EML5: variants seen among roughly 807,000 people sequenced by gnomAD.
The protein encoded by EML5 is EMAP like 5.
Under a neutral mutation model 250.0 loss-of-function variants are expected in EML5, and 120 were observed. That is an observed-to-expected ratio of 0.48 (90% CI 0.41 to 0.56). The LOEUF is 0.56. Ranked by LOEUF, EML5 falls within the 20% of genes least tolerant of loss-of-function variation. EML5 has a pLI of 0.00. For missense variants in EML5, 2,006 were observed against 2,437.6 expected (o/e 0.82, Z 3.73); for synonymous variants, 771 against 806.5 (o/e 0.96, Z 0.75).
intron 3 of EML5, among the ~76,000 whole-genome samples, chr14:88,744,709 G>A (rs2093979271): frequency 6.6e-6 from 1 of 151,892 alleles, no homozygotes; most frequent in Admixed American, 6.6e-5. Context: ...AATGAGAAAT[G>A]TAATTAAACA....
intron 28 of EML5, among the ~76,000 whole-genome samples, chr14:88,647,235 G>A (rs531624147): frequency 5.5e-4 from 84 of 151,914 alleles, no homozygotes; most frequent in African/African-American, 1.9e-3. Context: ...ATGGTGGCAC[G>A]CACCTGTAAT....
chr14:88,678,285 G>C (rs1244283230), intron 21 of EML5, among the ~76,000 whole-genome samples: 4 of 152,068 alleles, frequency 2.6e-5, no homozygotes, highest in Non-Finnish European at 4.4e-5. Context: ...GGGGCCTCTT[G>C]GGGGACAGGG....
chr14:88,702,307 T>C (rs2093230037), intron 14 of EML5, 139 bp downstream of exon 14: 1 of 602,380 alleles, frequency 1.7e-6, no homozygotes, highest in Admixed American at 4.3e-5. Flanking sequence ...AAATTTTATT[T>C]ATAATCTGAA....
chr14:88,777,979 A>T (rs529910355), intron 1 of EML5, among the ~76,000 whole-genome samples: 1 of 152,328 alleles, frequency 6.6e-6, no homozygotes, highest in Non-Finnish European at 1.5e-5. Context: ...TGTCTCAAAA[A>T]ATACAGCAAA....
At chr14:88,624,662 A>G in intron 36 of EML5, 2 of 245,806 alleles carry the variant, frequency 8.1e-6, no homozygotes, top group Non-Finnish European at 1.5e-5. Flanking sequence ...AGATTCCCCC[A>G]TGGGCCTCCT....
intron 27 of EML5, 57 bp from the exon 28 acceptor site, chr14:88,649,983 T>A: frequency 7.9e-7 from 1 of 1,263,286 alleles, no homozygotes; most frequent in South Asian, 1.8e-5. Context: ...TGATGATGAA[T>A]AGAATACAGC....
chr14:88,620,699 A>C lies in EML5; in HGVS notation c.5375+55T>G. On this transcript the variant is annotated intron_variant, in intron 39 of 43. Coordinates refer to ENST00000554922, the MANE Select transcript of EML5 (RefSeq NM_183387.3). The surrounding 1 kb of genome is among the most constrained non-coding windows in gnomAD (Gnocchi z 4.3). Reference sequence around the variant, plus strand: ...AAGGCAAGGCTATGGAAAATTTTACAAATGGAAGTTAAATCAAGTATATAC... The same window carrying C: ...AAGGCAAGGCTATGGAAAATTTTACCAATGGAAGTTAAATCAAGTATATAC... 7.2e-7 allele frequency: 1 copy of C among 1,390,152 alleles called. No homozygotes were observed. The highest frequency in any genetic ancestry group is 9.4e-7 in the Non-Finnish European group (1 of 1,067,350). 86.1% of individuals were successfully genotyped at this position (1,390,152 alleles called of 1,614,324 possible).
Position 88,620,446 on chromosome 14 carries a change from G to C in EML5, c.5375+308C>G, listed in dbSNP as rs2140299911. 4.4e-6 allele frequency: 1 copy of C among 227,396 alleles called. No homozygotes were observed. Among genetic ancestry groups the C allele is most frequent in the East Asian group, 9.1e-5 (1 of 10,980 alleles). The allele number at this position is 227,396 out of a possible 1,614,324, so 14.1% of individuals were successfully genotyped here. ...GGTGACAACTTTTGAAGGGCAGATA[G>C]CTCTCTTGTATTACAGTGGGAGATA... On this transcript the variant is annotated intron_variant, in intron 39 of 43. Transcript: ENST00000554922. This position sits in a 1 kb window ranked among gnomAD's most constrained non-coding sequence, Gnocchi z 4.3.
chr14:88,670,835 T>C (rs961465222), intron 21 of EML5, among the ~76,000 whole-genome samples: 3 of 151,864 alleles, frequency 2.0e-5, no homozygotes, highest in Non-Finnish European at 4.4e-5. Context: ...GAAGACTATC[T>C]TGCTGAAATA....
chr14:88,769,343 C>A (rs527879809), intron 1 of EML5, among the ~76,000 whole-genome samples: 1 of 152,126 alleles, frequency 6.6e-6, no homozygotes, highest in Non-Finnish European at 1.5e-5. Context: ...ATGTGAAGTG[C>A]CTTGCCTCCC....
chr14:88,688,875 C>T lies in EML5; in HGVS notation c.2540-402G>A, dbSNP rs369672819. Among the ~76,000 whole-genome samples, 20 of 152,300 alleles carry T rather than the reference C, an allele frequency of 1.3e-4. No individual in the cohort carries two copies. In the South Asian group the frequency reaches 2.1e-3, roughly 16 times the overall value. On this transcript the variant is annotated intron_variant, in intron 17 of 43. Transcript: ENST00000554922. ...ATGCCAACCTCATCTCCCTTCTTCA[C>T]GCTTTAGTATTGTGAATGTGATACT...
chr14:88,657,261 T>A, intron 27 of EML5, 115 bp downstream of exon 27: 1 of 1,050,352 alleles, frequency 9.5e-7, no homozygotes, highest in Non-Finnish European at 1.4e-6. Flanking sequence ...CTGTGAATTG[T>A]CTATAGCAAG....
At chr14:88,692,806 A>G (rs1321959564) in intron 17 of EML5, among the ~76,000 whole-genome samples, 1 of 152,238 alleles carries the variant, frequency 6.6e-6, no homozygotes, top group Non-Finnish European at 1.5e-5. Flanking sequence ...AGTTTTTGAT[A>G]AAGTGTTAAA....
At chr14:88,784,957 G>A (rs1472410608) in intron 1 of EML5, among the ~76,000 whole-genome samples, 1 of 152,168 alleles carries the variant, frequency 6.6e-6, no homozygotes. Flanking sequence ...TCTATCAACA[G>A]ATGAATGGAT....
chr14:88,665,273 A>G (rs2092272974), intron 22 of EML5, 64 bp downstream of exon 22: 1 of 1,474,710 alleles, frequency 6.8e-7, no homozygotes, highest in Admixed American at 2.5e-5. Context: ...AAAATTATAC[A>G]TTGATACATT....
intron 41 of EML5, 75 bp downstream of exon 41, chr14:88,618,153 C>G: frequency 1.6e-6 from 2 of 1,278,926 alleles, no homozygotes; most frequent in Non-Finnish European, 2.2e-6. Flanking sequence ...TGGAATGGCT[C>G]TAACAGTTCA....
chr14:88,670,531 C>T (rs895842768), intron 21 of EML5, among the ~76,000 whole-genome samples: 4 of 152,002 alleles, frequency 2.6e-5, no homozygotes, highest in African/African-American at 9.7e-5. Flanking sequence ...AACACAACAC[C>T]TCTCCAGCAA....
intron 42 of EML5, 30 bp downstream of exon 42, chr14:88,616,696 C>G: frequency 6.3e-7 from 1 of 1,590,894 alleles, no homozygotes; most frequent in Non-Finnish European, 8.6e-7. Context: ...TAGGAGTAAA[C>G]TGATAATAGT....
At chr14:88,630,512 A>G (rs986685597) in intron 33 of EML5, among the ~76,000 whole-genome samples, 3 of 152,124 alleles carry the variant, frequency 2.0e-5, no homozygotes, top group Admixed American at 2.0e-4. Context: ...AGCGTAAGTG[A>G]TTCAGGGGAA....
Sources: allele counts gnomAD v4.1 joint callset (sites outside exome capture counted in the v4.1 genomes callset), GRCh38; gene constraint gnomAD v4.1.1; non-coding constraint Gnocchi (gnomAD v3.1); transcripts MANE v1.5; gene names NCBI Gene and HGNC (gene_info 2026-07-23, HGNC 2026-07-21).